The following BLK variants were observed in gnomAD, a reference collection of about 807,000 sequenced individuals.
BLK encodes BLK proto-oncogene, Src family tyrosine kinase, also known as tyrosine-protein kinase Blk.
In BLK, 64 loss-of-function variants were observed where a neutral mutation model predicts 61.8. The ratio of observed to expected loss-of-function variants is 1.03; its 90% CI spans 0.85 to 1.27. BLK has a LOEUF of 1.27. BLK is among the 50% of genes most tolerant of loss of function. BLK has a pLI of 0.00. For missense variants in BLK, 853 were observed against 660.5 expected (o/e 1.29, Z -3.19); for synonymous variants, 351 against 272.0 (o/e 1.29, Z -2.86).
chr8:11,509,200 G>A (rs912183232), intron 1 of BLK: 7 of 150,250 alleles, frequency 4.7e-5, no homozygotes, highest in African/African-American at 1.7e-4. Context: ...GCTGCTGTGG[G>A]AGCAGCTAAC....
intron 1 of BLK, among the ~76,000 whole-genome samples, chr8:11,520,807 T>C (rs1371723578): frequency 6.6e-6 from 1 of 152,168 alleles, no homozygotes; most frequent in Non-Finnish European, 1.5e-5. Context: ...GACAAGTAAT[T>C]GAAAAGCTAT....
chr8:11,555,424 C>T lies in BLK; in HGVS notation c.712C>T (p.Arg238Trp), dbSNP rs575123730. 29 of 1,614,136 alleles carry T rather than the reference C, an allele frequency of 1.8e-5. No homozygotes were observed. Among genetic ancestry groups the T allele is most frequent in the Admixed American group, 3.3e-5 (2 of 60,020 alleles). Residue 238 changes from arginine (R) to tryptophan (W), a missense_variant, in exon 8 of 13, where the codon CGG (arginine) becomes TGG (tryptophan). Arg to Trp is a moderately radical substitution (Grantham distance 101). Coordinates refer to ENST00000259089, the MANE Select transcript of BLK (RefSeq NM_001715.3). ...PWAQDEWEIP[R>W]QSLRLVRKLG... ...GGCCCAGGATGAATGGGAGATCCCCCGGCAGTCTCTCAGGCTGGTCAGGAA... is the reference window on the plus strand; with the variant it reads ...GGCCCAGGATGAATGGGAGATCCCCTGGCAGTCTCTCAGGCTGGTCAGGAA...
chr8:11,526,087 T>C (rs538578550), intron 1 of BLK, among the ~76,000 whole-genome samples: 27 of 152,296 alleles, frequency 1.8e-4, no homozygotes, highest in Admixed American at 4.6e-4. Context: ...CTTTTGTTTT[T>C]AAACATTCTT....
At chr8:11,535,323 A>AGAAG in intron 1 of BLK, among the ~76,000 whole-genome samples, 1 of 114,034 alleles carries the variant, frequency 8.8e-6, no homozygotes, top group African/African-American at 2.9e-5. Flanking sequence ...AAAGAAAGAA[A>AGAAG]GAGAAGGAAA....
chr8:11,528,922 G>A (rs944779593), intron 1 of BLK, among the ~76,000 whole-genome samples: 2 of 152,070 alleles, frequency 1.3e-5, no homozygotes, highest in African/African-American at 4.8e-5. Flanking sequence ...GACACACAGA[G>A]GGGAATAACA....
At chr8:11,520,963 CA>C (rs1375684679) in intron 1 of BLK, among the ~76,000 whole-genome samples, 1 of 151,760 alleles carries the variant, frequency 6.6e-6, no homozygotes, top group Non-Finnish European at 1.5e-5. Context: ...CATAGCTTGT[CA>C]AAATTATAGC....
intron 5 of BLK, among the ~76,000 whole-genome samples, chr8:11,549,735 C>G (rs1157407857): frequency 6.6e-6 from 1 of 152,220 alleles, no homozygotes; most frequent in Non-Finnish European, 1.5e-5. Flanking sequence ...CTGTCCTGCA[C>G]AGAACAACCC....
chr8:11,547,404 G>C (rs1336959859), intron 3 of BLK, among the ~76,000 whole-genome samples: 1 of 152,210 alleles, frequency 6.6e-6, no homozygotes, highest in Non-Finnish European at 1.5e-5. Flanking sequence ...GCTGTGCAGA[G>C]AGCCTGCGTC....
intron 3 of BLK, among the ~76,000 whole-genome samples, chr8:11,546,576 T>C (rs1800655331): frequency 1.3e-5 from 2 of 151,818 alleles, no homozygotes; most frequent in African/African-American, 2.4e-5. Context: ...GTCCCCAGAC[T>C]CCACTTGGTT....
intron 1 of BLK, among the ~76,000 whole-genome samples, chr8:11,507,425 C>G (rs1242512583): frequency 6.6e-6 from 1 of 152,222 alleles, no homozygotes; most frequent in African/African-American, 2.4e-5. Context: ...ACGGGCCTGT[C>G]ATGGCCCTCA....
intron 1 of BLK, among the ~76,000 whole-genome samples, chr8:11,524,527 T>C (rs1361362739): frequency 6.6e-6 from 1 of 152,242 alleles, no homozygotes; most frequent in Non-Finnish European, 1.5e-5. Flanking sequence ...ACTTCCATAC[T>C]GCTGTACGAA....
chr8:11,495,484 C>A (rs1485910411), intron 1 of BLK, among the ~76,000 whole-genome samples: 1 of 152,188 alleles, frequency 6.6e-6, no homozygotes, highest in African/African-American at 2.4e-5. Flanking sequence ...CCAAGCTTAG[C>A]ATCACCGGGA....
chr8:11,549,022 A>C lies in BLK; in HGVS notation c.270-2A>C. The C allele has an allele frequency of 6.2e-7, 1 of 1,606,356 alleles. No individual in the cohort carries two copies. The highest frequency in any genetic ancestry group is 8.5e-7 in the Non-Finnish European group (1 of 1,176,442). The stretch of plus-strand genomic sequence containing the variant: ...CATCTCTGTTTCCCCTGCTCCCATT[A>C]GAACTGGAGACTGGTGGCTGGCCAG... On this transcript the variant is annotated splice_acceptor_variant, in intron 4 of 12. Coordinates refer to ENST00000259089, the MANE Select transcript of BLK (RefSeq NM_001715.3). LOFTEE classifies it high-confidence loss of function.
rs760440266 is a variant in BLK, at chr8:11,554,855, C to T, written c.585C>T (p.Phe195=). The change falls in exon 7 of 13, where the codon TTC becomes TTT. Residue 195 remains phenylalanine (F), a synonymous_variant. Transcript: ENST00000259089. ...GGYYISPRIT[F]PSLQALVQHY... ...ACTACATCTCCCCCCGGATCACCTT[C>T]CCCTCGCTCCAGGCCCTGGTGCAGC... 3.1e-6 allele frequency: 5 copies of T among 1,613,892 alleles called. No homozygotes were observed. The South Asian group carries it at 5.5e-5, about 18-fold the overall frequency.
intron 1 of BLK, among the ~76,000 whole-genome samples, chr8:11,508,497 G>T (rs1798869177): frequency 6.6e-6 from 1 of 152,188 alleles, no homozygotes; most frequent in Non-Finnish European, 1.5e-5. Flanking sequence ...CTCTTGGTGA[G>T]CCACATTCCT....
At chr8:11,563,634 A>T (rs1801591284) in intron 12 of BLK, among the ~76,000 whole-genome samples, 1 of 152,174 alleles carries the variant, frequency 6.6e-6, no homozygotes, top group Non-Finnish European at 1.5e-5. Flanking sequence ...TAATCAAGAG[A>T]GGGAGGGTCC....
intron 1 of BLK, among the ~76,000 whole-genome samples, chr8:11,524,322 G>A (rs1032078543): frequency 1.3e-5 from 2 of 152,052 alleles, no homozygotes; most frequent in Non-Finnish European, 2.9e-5. Flanking sequence ...CATTCACAAC[G>A]ATTTTCCATT....
chr8:11,549,033 C>T lies in BLK; in HGVS notation c.279C>T (p.Asp93=). The T allele has an allele frequency of 6.2e-7, 1 of 1,609,006 alleles. No homozygotes were observed. The highest frequency in any genetic ancestry group is 8.5e-7 in the Non-Finnish European group (1 of 1,177,862). Residue 93 remains aspartate (D), a synonymous_variant, in exon 5 of 13, where the codon GAC becomes GAT. Transcript: ENST00000259089. Reference sequence around the variant, plus strand: ...CCCCTGCTCCCATTAGAACTGGAGACTGGTGGCTGGCCAGGTCACTCGTCA... The same window carrying T: ...CCCCTGCTCCCATTAGAACTGGAGATTGGTGGCTGGCCAGGTCACTCGTCA... ...EKLQVLKGTG[D]WWLARSLVTG...
intron 1 of BLK, among the ~76,000 whole-genome samples, chr8:11,537,882 G>A (rs1800201997): frequency 6.6e-6 from 1 of 152,108 alleles, no homozygotes. Flanking sequence ...CAGGCTTTGA[G>A]CATCTCCCAA....
Sources: allele counts gnomAD v4.1 joint callset (sites outside exome capture counted in the v4.1 genomes callset), GRCh38; gene constraint gnomAD v4.1.1; transcripts MANE v1.5; gene names NCBI Gene and HGNC (gene_info 2026-07-23, HGNC 2026-07-21).